Variants in NALF1 observed in about 807,000 individuals in gnomAD.
NALF1 encodes the protein NALCN channel auxiliary factor 1.
In NALF1, 3 loss-of-function variants were observed where a neutral mutation model predicts 48.4. That is an observed-to-expected ratio of 0.06 (90% CI 0.03 to 0.16). The LOEUF is 0.16. Among genes scored for constraint, NALF1 ranks in the 10% least tolerant of loss-of-function variants. The pLI is 1.00. For missense variants in NALF1, 526 were observed against 571.5 expected (o/e 0.92, Z 0.81); for synonymous variants, 262 against 245.7 (o/e 1.07, Z -0.62).
At chr13:107,449,153 A>G (rs1220270024) in intron 1 of NALF1, among the ~76,000 whole-genome samples, 1 of 152,190 alleles carries the variant, frequency 6.6e-6, no homozygotes, top group Non-Finnish European at 1.5e-5. Context: ...ATGAGGCAGG[A>G]GAATCATTTG....
At chr13:107,486,418 C>A (rs1415070453) in intron 1 of NALF1, among the ~76,000 whole-genome samples, 2 of 152,166 alleles carry the variant, frequency 1.3e-5, no homozygotes, top group Non-Finnish European at 2.9e-5. Context: ...ACAGGGAAAG[C>A]AAGATCTGAA....
At chr13:107,332,606 T>C (rs1273970582) in intron 1 of NALF1, among the ~76,000 whole-genome samples, 1 of 152,222 alleles carries the variant, frequency 6.6e-6, no homozygotes, top group African/African-American at 2.4e-5. Flanking sequence ...TCAAAAATGA[T>C]TTAAAAACAA....
chr13:107,545,120 A>G (rs1877102750), intron 1 of NALF1, among the ~76,000 whole-genome samples: 1 of 152,246 alleles, frequency 6.6e-6, no homozygotes, highest in African/African-American at 2.4e-5. Context: ...GATGCAGTCA[A>G]GTTAAGATGC....
chr13:107,669,706 T>C, intron 1 of NALF1, among the ~76,000 whole-genome samples: 1 of 152,142 alleles, frequency 6.6e-6, no homozygotes, highest in East Asian at 1.9e-4. Flanking sequence ...TTGATGTTCA[T>C]GTGCTCATTG....
intron 1 of NALF1, among the ~76,000 whole-genome samples, chr13:107,395,235 T>A (rs1883692747): frequency 2.0e-5 from 3 of 152,130 alleles, no homozygotes; most frequent in Admixed American, 6.6e-5. Flanking sequence ...ATCTTATTGA[T>A]CACACTAAAT....
intron 1 of NALF1, among the ~76,000 whole-genome samples, chr13:107,756,615 T>G (rs943224792): frequency 6.6e-6 from 1 of 152,070 alleles, no homozygotes; most frequent in African/African-American, 2.4e-5. Context: ...TAAACACGCA[T>G]GCTAAATACC....
intron 1 of NALF1, among the ~76,000 whole-genome samples, chr13:107,358,882 A>G (rs1883010340): frequency 1.3e-5 from 2 of 151,996 alleles, no homozygotes; most frequent in African/African-American, 4.8e-5. Flanking sequence ...ATTGGCAGCT[A>G]CTCTTTATGA....
At chr13:107,325,845 C>CATATATATATAT (rs1229746465) in intron 1 of NALF1, among the ~76,000 whole-genome samples, 1 of 44,066 alleles carries the variant, frequency 2.3e-5, no homozygotes, top group African/African-American at 7.3e-5. Context: ...TGTCTCAACA[C>CATATATATATAT]ACACACACAC....
intron 1 of NALF1, among the ~76,000 whole-genome samples, chr13:107,212,166 T>A (rs1879776373): frequency 6.6e-6 from 1 of 152,238 alleles, no homozygotes; most frequent in Non-Finnish European, 1.5e-5. Context: ...ATTTTTTTAT[T>A]CATAACATTA....
intron 1 of NALF1, among the ~76,000 whole-genome samples, chr13:107,833,368 G>A (rs889423766): frequency 2.6e-5 from 4 of 152,130 alleles, no homozygotes; most frequent in Non-Finnish European, 5.9e-5. Flanking sequence ...GCTCTCTGTT[G>A]TCCAATGTGC....
intron 1 of NALF1, among the ~76,000 whole-genome samples, chr13:107,440,662 C>G (rs576014993): frequency 2.6e-5 from 4 of 152,174 alleles, no homozygotes; most frequent in Admixed American, 1.3e-4. Context: ...TGATTCTGCA[C>G]GTGTTTTTGT....
intron 1 of NALF1, among the ~76,000 whole-genome samples, chr13:107,452,058 T>G (rs1312608535): frequency 6.6e-6 from 1 of 151,774 alleles, no homozygotes; most frequent in Non-Finnish European, 1.5e-5. Flanking sequence ...TGTCTATCCA[T>G]ATAGTGTATT....
At chr13:107,783,536 T>G (rs1272487802) in intron 1 of NALF1, among the ~76,000 whole-genome samples, 1 of 152,192 alleles carries the variant, frequency 6.6e-6, no homozygotes, top group South Asian at 2.1e-4. Context: ...TCTTCTGCCT[T>G]GGGATCCTGT....
At chr13:107,686,864 G>C (rs1881444119) in intron 1 of NALF1, among the ~76,000 whole-genome samples, 1 of 152,212 alleles carries the variant, frequency 6.6e-6, no homozygotes, top group East Asian at 1.9e-4. Flanking sequence ...ATGTAAACTA[G>C]TTCAACCCCA....
chr13:107,434,771 AG>A (rs1650452636), intron 1 of NALF1, among the ~76,000 whole-genome samples: 1 of 152,214 alleles, frequency 6.6e-6, no homozygotes, highest in Non-Finnish European at 1.5e-5. Context: ...GCAAATGCAG[AG>A]AATATTTTAT....
chr13:107,763,543 C>T (rs1877329117), intron 1 of NALF1, among the ~76,000 whole-genome samples: 1 of 150,316 alleles, frequency 6.7e-6, no homozygotes, highest in Non-Finnish European at 1.5e-5. Flanking sequence ...AATATTTCCA[C>T]ATTAAATGCC....
intron 1 of NALF1, among the ~76,000 whole-genome samples, chr13:107,457,674 C>T (rs1884845726): frequency 7.0e-6 from 1 of 143,542 alleles, no homozygotes; most frequent in South Asian, 2.2e-4. Flanking sequence ...GCTAAATGGC[C>T]AATTGAAGAC....
chr13:107,731,835 G>A (rs1021049296), intron 1 of NALF1, among the ~76,000 whole-genome samples: 1 of 152,052 alleles, frequency 6.6e-6, no homozygotes, highest in African/African-American at 2.4e-5. Context: ...CCATGTCTTT[G>A]CTATTGGATA....
chr13:107,396,796 C>A (rs1028152837), intron 1 of NALF1, among the ~76,000 whole-genome samples: 2 of 152,180 alleles, frequency 1.3e-5, no homozygotes, highest in East Asian at 3.9e-4. Context: ...GTCTATACTG[C>A]TCAACTCTCA....
Sources: gnomAD v4.1 joint callset for allele counts (sites outside exome capture counted in the v4.1 genomes callset) on GRCh38, gnomAD v4.1.1 for gene constraint, MANE v1.5 for transcripts, NCBI Gene and HGNC (gene_info 2026-07-23, HGNC 2026-07-21) for gene names.